TRIM5: variants seen among roughly 807,000 people sequenced by gnomAD.
The protein encoded by TRIM5 is tripartite motif-containing protein 5.
Under a neutral mutation model 35.6 loss-of-function variants are expected in TRIM5, and 31 were observed. The observed-to-expected ratio is 0.87, with a 90% confidence interval of 0.65 to 1.18. The LOEUF (loss-of-function observed/expected upper bound fraction) is 1.18. Ranked by LOEUF, TRIM5 falls within the 50% of genes most tolerant of loss-of-function variation. The pLI is 0.00. For missense variants in TRIM5, 609 were observed against 591.6 expected, an observed-to-expected ratio of 1.03 and a Z score of -0.31; for synonymous variants, 243 against 215.6, an observed-to-expected ratio of 1.13 and a Z score of -1.11.
At chr11:5,629,238 T>A in the TRIM5 span, among the ~76,000 whole-genome samples, 1 of 151,988 alleles carries the variant, frequency 6.6e-6, no homozygotes, top group Non-Finnish European at 1.5e-5. Flanking sequence ...GATTGTACCA[T>A]TGCATTCCAG....
chr11:5,605,685 C>T, the TRIM5 span: 18 of 1,229,290 alleles, frequency 1.5e-5, no homozygotes, highest in African/African-American at 1.4e-4. Flanking sequence ...ATTCCTTTGG[C>T]GCTATAGTGC....
intron 4 of TRIM5, among the ~76,000 whole-genome samples, chr11:5,668,958 C>A (rs1226192494): frequency 1.3e-5 from 2 of 152,106 alleles, no homozygotes; most frequent in Non-Finnish European, 2.9e-5. Flanking sequence ...GTAACACCAA[C>A]CATACTGTCT....
chr11:5,643,056 A>G, the TRIM5 span: 1 of 1,291,088 alleles, frequency 7.7e-7, no homozygotes, highest in South Asian at 1.7e-5. Context: ...CACTAGATAA[A>G]CCTACTCCAT....
At chr11:5,592,596 A>C in the TRIM5 span, among the ~76,000 whole-genome samples, 3,919 of 152,182 alleles carry the variant, frequency 0.026, 182 homozygotes, top group African/African-American at 0.09. Flanking sequence ...TTTTAAAAAG[A>C]AGGAAGGAAG....
the TRIM5 span, among the ~76,000 whole-genome samples, chr11:5,619,609 T>TA: frequency 6.6e-6 from 1 of 150,860 alleles, no homozygotes; most frequent in Non-Finnish European, 1.5e-5. Context: ...AGCTAGTCCA[T>TA]AATCAGCCTC....
chr11:5,596,522 C>CCCCCTTCCCCCTT, the TRIM5 span: 26 of 29,268 alleles, frequency 8.9e-4, no homozygotes, highest in East Asian at 0.022. Context: ...TTCTCCCCTT[C>CCCCCTTCCCCCTT]CCCCCTTCCC....
At chr11:5,643,861 T>A in the TRIM5 span, 3 of 986,378 alleles carry the variant, frequency 3.0e-6, no homozygotes, top group Non-Finnish European at 4.4e-6. Flanking sequence ...GCTTGAGTTA[T>A]GAGAGATGCT....
intron 1 of TRIM5, among the ~76,000 whole-genome samples, chr11:5,680,758 C>T (rs1259248627): frequency 6.6e-6 from 1 of 152,010 alleles, no homozygotes; most frequent in Non-Finnish European, 1.5e-5. Flanking sequence ...CAAATCTCAC[C>T]ATGCACTGTA....
chr11:5,644,018 G>T, the TRIM5 span: 1 of 455,120 alleles, frequency 2.2e-6, no homozygotes, highest in Non-Finnish European at 3.8e-6. Context: ...AAGCCTGTTA[G>T]CCACCATCCA....
the TRIM5 span, among the ~76,000 whole-genome samples, chr11:5,627,174 G>T: frequency 6.6e-5 from 10 of 152,068 alleles, no homozygotes; most frequent in Admixed American, 6.6e-4. Context: ...GGTGGATCAT[G>T]AGTTTGAGAC....
chr11:5,656,596 C>T, the TRIM5 span, among the ~76,000 whole-genome samples: 187 of 152,144 alleles, frequency 1.2e-3, no homozygotes, highest in Non-Finnish European at 1.7e-3. Flanking sequence ...TTAGGTGATC[C>T]GCCCACCTCG....
chr11:5,641,369 C>A, the TRIM5 span: 1 of 1,409,666 alleles, frequency 7.1e-7, no homozygotes, highest in Non-Finnish European at 9.4e-7. Context: ...TATTAATGGA[C>A]TCGATCCTAT....
intron 4 of TRIM5, among the ~76,000 whole-genome samples, chr11:5,674,877 T>C (rs1336951803): frequency 1.3e-5 from 2 of 152,230 alleles, no homozygotes; most frequent in Admixed American, 6.5e-5. Context: ...AAGAGGGGTT[T>C]CCAGGAGCTG....
the TRIM5 span, chr11:5,604,777 C>A: frequency 1.3e-6 from 1 of 745,966 alleles, no homozygotes; most frequent in Non-Finnish European, 2.0e-6. Flanking sequence ...ATATTCCTTC[C>A]AAACAGGGGG....
the TRIM5 span, among the ~76,000 whole-genome samples, chr11:5,646,985 G>C: frequency 2.0e-5 from 3 of 152,170 alleles, no homozygotes; most frequent in African/African-American, 7.2e-5. Flanking sequence ...ACGATTTAAT[G>C]TGTGGAAACA....
chr11:5,626,741 G>A, the TRIM5 span: 3 of 152,186 alleles, frequency 2.0e-5, no homozygotes, highest in Non-Finnish European at 2.9e-5. Context: ...AATTAGCCGG[G>A]TGTGGTGGCG....
the TRIM5 span, among the ~76,000 whole-genome samples, chr11:5,615,613 A>G: frequency 7.2e-6 from 1 of 139,224 alleles, no homozygotes. Flanking sequence ...TGTTTGTTTG[A>G]GATGGAGTCT....
At chr11:5,681,384 T>C (rs947614073) in intron 1 of TRIM5, among the ~76,000 whole-genome samples, 1 of 152,226 alleles carries the variant, frequency 6.6e-6, no homozygotes, top group Non-Finnish European at 1.5e-5. Flanking sequence ...AGAGCTTATA[T>C]ACCTTCTAAG....
intron 7 of TRIM5, 78 bp downstream of exon 7, chr11:5,665,578 A>C (rs750267684): frequency 6.3e-7 from 1 of 1,584,084 alleles, no homozygotes; most frequent in African/African-American, 1.4e-5. Context: ...CCTAATAGAG[A>C]ACATAAAATT....
Sources: gnomAD v4.1 joint callset for allele counts (sites outside exome capture counted in the v4.1 genomes callset) on GRCh38, gnomAD v4.1.1 for gene constraint, MANE v1.5 for transcripts, NCBI Gene and HGNC (gene_info 2026-07-23, HGNC 2026-07-21) for gene names.